Variants in GET3 observed in about 807,000 individuals in gnomAD.
GET3 encodes ATPase GET3.
GET3 carries 15 observed loss-of-function variants against 32.4 expected under a neutral mutation model. The observed-to-expected ratio is 0.46, with a 90% CI of 0.31 to 0.71. GET3 has a LOEUF of 0.71. Ranked by LOEUF, GET3 falls within the 30% of genes least tolerant of loss-of-function variation. GET3 has a pLI of 0.05. For synonymous variants in GET3, 198 were observed against 185.6 expected, an observed-to-expected ratio of 1.07 and a Z score of -0.54; for missense variants, 333 against 459.0, an observed-to-expected ratio of 0.73 and a Z score of 2.51.
intron 2 of GET3, among the ~76,000 whole-genome samples, chr19:12,741,609 A>C (rs181334033): frequency 6.7e-6 from 1 of 150,054 alleles, no homozygotes; most frequent in Non-Finnish European, 1.5e-5. Context: ...AAATACAAAA[A>C]TTAGCCTTGC....
At chr19:12,739,468 G>C (rs1344994853) in intron 2 of GET3, among the ~76,000 whole-genome samples, 1 of 152,110 alleles carries the variant, frequency 6.6e-6, no homozygotes, top group Non-Finnish European at 1.5e-5. Flanking sequence ...ATCGCACCAG[G>C]GATGTATTTT....
Position 12,737,736 on chromosome 19 carries a change from C to T in GET3, c.161+70C>T, listed in dbSNP as rs1359441800. ...ACTGGGCGAAGGGGAGGCCAAGGAC[C>T]GGCTTTTCCACCACGACCGGGGCAT... On this transcript the variant is annotated intron_variant, in intron 1 of 6. Coordinates refer to ENST00000357332, the MANE Select transcript of GET3 (RefSeq NM_004317.4). 3.3e-6 allele frequency: 5 copies of T among 1,505,188 alleles called. 1 individual carries two copies. The highest frequency in any genetic ancestry group is 2.6e-5 in the South Asian group (2 of 77,518). 93.2% of individuals were successfully genotyped at this position (1,505,188 alleles called of 1,614,324 possible). A position where few individuals can be genotyped will look rare whatever the true frequency, so the allele number is the denominator to read the frequency against.
Position 12,747,061 on chromosome 19 carries a change from C to A in GET3, c.610-136C>A. 2 of 577,576 alleles carry A rather than the reference C, an allele frequency of 3.5e-6. No homozygotes were observed. Among genetic ancestry groups the A allele is most frequent in the Non-Finnish European group, 5.9e-6 (2 of 336,394 alleles). 35.8% of individuals were successfully genotyped at this position (577,576 alleles called of 1,614,324 possible). A position where few individuals can be genotyped will look rare whatever the true frequency, so the allele number is the denominator to read the frequency against. ...AATGGAAAAGCTAGTATTTGACCAA[C>A]CCCAGGAATCTGCTTATGGGCCTGA... On this transcript the variant is annotated intron_variant, in intron 4 of 6. Coordinates refer to ENST00000357332, the MANE Select transcript of GET3 (RefSeq NM_004317.4). This position sits in a 1 kb window ranked among gnomAD's most constrained non-coding sequence, Gnocchi z 4.0.
At position 12,747,256 on chromosome 19, in the gene GET3, G is replaced by A. The variant is rs757492206; in HGVS notation, c.669G>A (p.Glu223=). Residue 223 remains glutamate (E), a synonymous_variant, in exon 5 of 7, where the codon GAG becomes GAA. Transcript: ENST00000357332. This position sits in a 1 kb window ranked among gnomAD's most constrained non-coding sequence, Gnocchi z 4.0. The part of the protein sequence containing the change: ...MNADQLASKL[E]ETLPVIRSVS... ...CAGACCAGCTGGCCTCCAAGCTGGA[G>A]GAGACGCTGCCCGTCATCCGCTCAG... 7 of 1,612,424 alleles carry A rather than the reference G, an allele frequency of 4.3e-6. No individual in the cohort carries two copies. Among genetic ancestry groups the A allele is most frequent in the Non-Finnish European group, 5.1e-6 (6 of 1,179,058 alleles).
Position 12,747,570 on chromosome 19 carries a change from T to G in GET3, c.893T>G (p.Ile298Ser), listed in dbSNP as rs777448034. ...AAGATGTGTGAGGCCCGTCACAAGA[T>G]CCAGGCCAAGTATCTGGACCAGGTG... ...PCKMCEARHKIQAKYLDQMED... is the reference protein window; with the variant it reads ...PCKMCEARHKSQAKYLDQMED... The change falls in exon 6 of 7, where the codon ATC becomes AGC. Residue 298 changes from isoleucine to serine, a missense_variant. By Grantham distance (142) the Ile-to-Ser change is moderately radical (BLOSUM62 -2). Around this residue, in one of 3 missense-constraint regions of GET3, gnomAD observed 230 missense variants for 389.2 expected, o/e 0.59. Transcript: ENST00000357332. This position sits in a 1 kb window ranked among gnomAD's most constrained non-coding sequence, Gnocchi z 4.0. The G allele has an allele frequency of 6.2e-7, 1 of 1,612,346 alleles. No individual in the cohort carries two copies. Among genetic ancestry groups the G allele is most frequent in the Admixed American group, 1.7e-5 (1 of 59,776 alleles).
In GET3 at chr19:12,737,682, C is replaced by A; in HGVS notation, c.161+16C>A. 1 of 1,600,830 alleles carries A rather than the reference C, an allele frequency of 6.2e-7. No individual in the cohort carries two copies. The highest frequency in any genetic ancestry group is 8.5e-7 in the Non-Finnish European group (1 of 1,176,360). On this transcript the variant is annotated intron_variant, in intron 1 of 6. Transcript: ENST00000357332. ...CCACCTGCAGGTAAGGAGGCTGCGG[C>A]GGGGGCCAGGAGGCGTGTAGGATAT...
rs760857484 is a variant in GET3 at position 12,748,034 on chromosome 19, G to C, written c.977G>C (p.Arg326Pro). The change falls in exon 7 of 7, where the codon CGG becomes CCG. Residue 326 changes from arginine (R) to proline (P), a missense_variant. Coordinates refer to ENST00000357332, the MANE Select transcript of GET3 (RefSeq NM_004317.4). ...CTGCCGCTGTTACCCCATGAGGTGCGGGGGGCAGACAAGGTCAACACCTTC... is the reference window on the plus strand; with the variant it reads ...CTGCCGCTGTTACCCCATGAGGTGCCGGGGGCAGACAAGGTCAACACCTTC... Reference protein sequence around the residue: ...VKLPLLPHEVRGADKVNTFSA... With the variant: ...VKLPLLPHEVPGADKVNTFSA... 1 of 1,611,328 alleles carries C rather than the reference G, an allele frequency of 6.2e-7. No homozygotes were observed.
intron 2 of GET3, among the ~76,000 whole-genome samples, chr19:12,741,851 G>A (rs963345334): frequency 3.9e-5 from 6 of 152,246 alleles, no homozygotes; most frequent in South Asian, 2.1e-4. Flanking sequence ...CCTGGGAGGC[G>A]GAGGTCACAG....
At position 12,743,658 on chromosome 19, in the gene GET3, C is replaced by T. The variant is rs557966981; in HGVS notation, c.310-1719C>T. On this transcript the variant is annotated intron_variant, in intron 2 of 6. Coordinates refer to ENST00000357332, the MANE Select transcript of GET3 (RefSeq NM_004317.4). ...ACAAAAAATTAGCCAGGTGTGGTGG[C>T]GGGCGCCTGTAGTCCCAGCTACTCA... is the stretch of plus-strand genomic sequence containing the variant. Among the ~76,000 whole-genome samples the T allele has an allele frequency of 1.1e-4, 16 of 140,564 alleles. 1 individual carries two copies. The highest frequency in any genetic ancestry group is 7.6e-4 in the South Asian group (3 of 3,940). The allele number at this position is 140,564 out of a possible 152,430, so 92.2% of individuals were successfully genotyped here. A position where few individuals can be genotyped will look rare whatever the true frequency, so the allele number is the denominator to read the frequency against.
chr19:12,747,137 A>G lies in GET3; in HGVS notation c.610-60A>G. 1 of 1,457,476 alleles carries G rather than the reference A, an allele frequency of 6.9e-7. No homozygotes were observed. The highest frequency in any genetic ancestry group is 9.3e-7 in the Non-Finnish European group (1 of 1,074,638). 90.3% of individuals were successfully genotyped at this position (1,457,476 alleles called of 1,614,324 possible). Reference sequence around the variant, plus strand: ...GAGTCATCCCTCGGGTGTTTAGTGAACCCCCAACCCAGGAGGTCGCCGCAG... The same window carrying G: ...GAGTCATCCCTCGGGTGTTTAGTGAGCCCCCAACCCAGGAGGTCGCCGCAG... On this transcript the variant is annotated intron_variant, in intron 4 of 6. Coordinates refer to ENST00000357332, the MANE Select transcript of GET3 (RefSeq NM_004317.4). The surrounding 1 kb of genome is among the most constrained non-coding windows in gnomAD (Gnocchi z 4.0).
chr19:12,745,817 C>G lies in GET3; in HGVS notation c.609+58C>G. ...AGGCAGCCGGGAGTGGGAGTAGGCCCGGGCCCCCAGACCCTCAAATGCGCA... is the reference window on the plus strand; with the variant it reads ...AGGCAGCCGGGAGTGGGAGTAGGCCGGGGCCCCCAGACCCTCAAATGCGCA... On this transcript the variant is annotated intron_variant, in intron 4 of 6. Coordinates refer to ENST00000357332, the MANE Select transcript of GET3 (RefSeq NM_004317.4). This position sits in a 1 kb window ranked among gnomAD's most constrained non-coding sequence, Gnocchi z 5.0. 9.1e-6 allele frequency: 14 copies of G among 1,541,896 alleles called. No individual in the cohort carries two copies. The highest frequency in any genetic ancestry group is 1.2e-5 in the Non-Finnish European group (14 of 1,149,584).
intron 2 of GET3, among the ~76,000 whole-genome samples, chr19:12,743,135 A>G (rs1967700400): frequency 2.0e-5 from 3 of 152,354 alleles, no homozygotes; most frequent in South Asian, 4.1e-4. Context: ...GTACTTCCCC[A>G]TGGGACCCAT....
chr19:12,737,984 C>T (rs967224835), intron 1 of GET3, among the ~76,000 whole-genome samples: 2 of 152,054 alleles, frequency 1.3e-5, no homozygotes, highest in Admixed American at 1.3e-4. Context: ...GAGGGCGGCA[C>T]CAGAACAAGC....
rs984732647 is a variant in GET3, at chr19:12,745,922, C to T, written c.609+163C>T. On this transcript the variant is annotated intron_variant, in intron 4 of 6. Coordinates refer to ENST00000357332, the MANE Select transcript of GET3 (RefSeq NM_004317.4). This position sits in a 1 kb window ranked among gnomAD's most constrained non-coding sequence, Gnocchi z 5.0. ...GGATGGGACGGAGCTGTCTTTCCTC[C>T]CCCACAGGCAGGACTCAGTGTCCCT... Among the ~76,000 whole-genome samples, 1 of 152,168 alleles carries T rather than the reference C, an allele frequency of 6.6e-6. No homozygotes were observed. The highest frequency in any genetic ancestry group is 2.4e-5 in the African/African-American group (1 of 41,456).
chr19:12,747,087 G>T lies in GET3; in HGVS notation c.610-110G>T. 1.3e-6 allele frequency: 1 copy of T among 785,532 alleles called. No homozygotes were observed. The highest frequency in any genetic ancestry group is 2.1e-6 in the Non-Finnish European group (1 of 486,662). 48.7% of individuals were successfully genotyped at this position (785,532 alleles called of 1,614,324 possible). A position where few individuals can be genotyped will look rare whatever the true frequency, so the allele number is the denominator to read the frequency against. On this transcript the variant is annotated intron_variant, in intron 4 of 6. Coordinates refer to ENST00000357332, the MANE Select transcript of GET3 (RefSeq NM_004317.4). This position sits in a 1 kb window ranked among gnomAD's most constrained non-coding sequence, Gnocchi z 4.0. ...CCCAGGAATCTGCTTATGGGCCTGA[G>T]CCTTTAACCACTGGGAGGTATCAGG...
rs1166564670 is a variant in GET3 at position 12,743,814 on chromosome 19, C to T, written c.310-1563C>T. ...CGTGATCTCAGCTCACTGCAGGCTC[C>T]GCCCCCTGGGGTTCATGCCATTCTC... On this transcript the variant is annotated intron_variant, in intron 2 of 6. Transcript: ENST00000357332. Among the ~76,000 whole-genome samples the T allele has an allele frequency of 3.8e-5, 5 of 133,026 alleles. No individual in the cohort carries two copies. The East Asian group carries it at 1.0e-3, about 27-fold the overall frequency. The allele number at this position is 133,026 out of a possible 152,430, so 87.3% of individuals were successfully genotyped here. A position where few individuals can be genotyped will look rare whatever the true frequency, so the allele number is the denominator to read the frequency against.
intron 2 of GET3, among the ~76,000 whole-genome samples, chr19:12,742,513 C>G (rs1358115720): frequency 6.6e-6 from 1 of 151,798 alleles, no homozygotes; most frequent in African/African-American, 2.4e-5. Context: ...CTCCCGATTT[C>G]AAGTGATTCT....
chr19:12,741,047 G>T (rs139031643), intron 2 of GET3, among the ~76,000 whole-genome samples: 23 of 152,346 alleles, frequency 1.5e-4, no homozygotes, highest in African/African-American at 5.5e-4. Flanking sequence ...AGCAAGGGCG[G>T]GCGTGGTGGC....
Position 12,745,376 on chromosome 19 carries a change from G to A in GET3, c.310-1G>A. 6.2e-7 allele frequency: 1 copy of A among 1,609,204 alleles called. No individual in the cohort carries two copies. Among genetic ancestry groups the A allele is most frequent in the Non-Finnish European group, 8.5e-7 (1 of 1,179,922 alleles). The stretch of plus-strand genomic sequence containing the variant: ...CTCAGTCTCATCCCTTTGGCCCCCA[G>A]GAGATTGACCCCAGCCTGGGCGTGG... On this transcript the variant is annotated splice_acceptor_variant, in intron 2 of 6. Transcript: ENST00000357332. LOFTEE classifies it high-confidence loss of function. This position sits in a 1 kb window ranked among gnomAD's most constrained non-coding sequence, Gnocchi z 5.0.
Sources: allele counts gnomAD v4.1 joint callset (sites outside exome capture counted in the v4.1 genomes callset), GRCh38; gene constraint gnomAD v4.1.1; regional missense constraint gnomAD v4.1.1; non-coding constraint Gnocchi (gnomAD v3.1); transcripts MANE v1.5; gene names NCBI Gene and HGNC (gene_info 2026-07-23, HGNC 2026-07-21).